Variants in DLGAP2 observed in about 807,000 individuals in gnomAD.
The protein encoded by DLGAP2 is DLG associated protein 2, also known as disks large-associated protein 2.
In DLGAP2, 26 loss-of-function variants were observed where a neutral mutation model predicts 100.3. That is an observed-to-expected ratio of 0.26 (90% CI 0.19 to 0.36). DLGAP2 has a LOEUF of 0.36. DLGAP2 is among the 10% of genes least tolerant of loss of function. The pLI is 1.00. For synonymous variants in DLGAP2, 886 were observed against 630.1 expected, an observed-to-expected ratio of 1.41 and a Z score of -6.08; for missense variants, 1,858 against 1,453.2, an observed-to-expected ratio of 1.28 and a Z score of -4.53.
chr8:859,094 A>G (rs116037075), intron 1 of DLGAP2, among the ~76,000 whole-genome samples: 6,449 of 149,138 alleles, frequency 0.043, 203 homozygotes, highest in African/African-American at 0.084. Flanking sequence ...TGAGACATAG[A>G]CCAGCCCCAC....
Position 1,691,436 on chromosome 8 carries a change from C to G in DLGAP2, c.2705-99C>G. On this transcript the variant is annotated intron_variant, in intron 12 of 14. Transcript: ENST00000637795. Reference sequence around the variant, plus strand: ...ACGATGAAGTCGTCAGTTTTCATCTCCAGTGGGACTCGCTCCCTTGGTGTG... The same window carrying G: ...ACGATGAAGTCGTCAGTTTTCATCTGCAGTGGGACTCGCTCCCTTGGTGTG... The G allele has an allele frequency of 4.0e-6, 4 of 1,005,990 alleles. No homozygotes were observed. In the South Asian group the frequency reaches 6.0e-5, roughly 15 times the overall value. The allele number at this position is 1,005,990 out of a possible 1,614,324, so 62.3% of individuals were successfully genotyped here. A position where few individuals can be genotyped will look rare whatever the true frequency, so the allele number is the denominator to read the frequency against.
intron 1 of DLGAP2, among the ~76,000 whole-genome samples, chr8:802,238 T>TCCACACAC (rs1200001901): frequency 6.7e-6 from 1 of 149,564 alleles, no homozygotes; most frequent in African/African-American, 2.5e-5. Context: ...TGGGGAATGG[T>TCCACACAC]CTGCACTCCT....
chr8:1,171,444 C>G (rs549049719), intron 2 of DLGAP2, among the ~76,000 whole-genome samples: 284 of 152,058 alleles, frequency 1.9e-3, no homozygotes, highest in Middle Eastern at 6.8e-3. Context: ...TCCTTGTTGA[C>G]TTTCTGTCTC....
chr8:1,279,744 A>G (rs1234992389), intron 3 of DLGAP2, among the ~76,000 whole-genome samples: 2 of 152,166 alleles, frequency 1.3e-5, no homozygotes, highest in Admixed American at 6.5e-5. Flanking sequence ...TGTAGGATTC[A>G]TGGCAGCTGC....
At chr8:1,465,798 T>A (rs1285102797) in intron 3 of DLGAP2, among the ~76,000 whole-genome samples, 1 of 152,196 alleles carries the variant, frequency 6.6e-6, no homozygotes, top group Non-Finnish European at 1.5e-5. Flanking sequence ...TCCCGGCCCC[T>A]CTGTGCCGCG....
intron 3 of DLGAP2, among the ~76,000 whole-genome samples, chr8:1,484,934 CT>C (rs1022514127): frequency 2.6e-5 from 4 of 152,284 alleles, no homozygotes; most frequent in African/African-American, 9.6e-5. Flanking sequence ...TGTCTGCCCC[CT>C]AGGACCTTCA....
intron 2 of DLGAP2, among the ~76,000 whole-genome samples, chr8:1,033,416 C>T (rs1802029386): frequency 1.3e-5 from 2 of 152,132 alleles, no homozygotes; most frequent in African/African-American, 2.4e-5. Context: ...CCTGTAATCC[C>T]AGCACTTTGA....
intron 13 of DLGAP2, 60 bp from the exon 14 acceptor site, chr8:1,697,087 C>T: frequency 1.4e-6 from 2 of 1,454,186 alleles, no homozygotes; most frequent in Non-Finnish European, 1.8e-6. Context: ...GGAGTGGCCT[C>T]CCCAGCCCTG....
chr8:1,206,477 G>A (rs796098984), intron 2 of DLGAP2, among the ~76,000 whole-genome samples: 17 of 147,556 alleles, frequency 1.2e-4, no homozygotes, highest in South Asian at 4.4e-4. Flanking sequence ...TTAATCTCCA[G>A]CCATCCGTGG....
intron 2 of DLGAP2, among the ~76,000 whole-genome samples, chr8:1,229,136 A>C (rs77718272): frequency 0.014 from 2,169 of 152,310 alleles, 31 homozygotes; most frequent in South Asian, 0.069. Context: ...GCCAATGTAC[A>C]ATACAAAAAT....
chr8:1,312,716 G>A (rs1800641234), intron 3 of DLGAP2, among the ~76,000 whole-genome samples: 1 of 152,192 alleles, frequency 6.6e-6, no homozygotes, highest in South Asian at 2.1e-4. Context: ...AAAATTAAAT[G>A]CACATACCTT....
chr8:1,000,971 G>A, intron 2 of DLGAP2, among the ~76,000 whole-genome samples: 1 of 152,168 alleles, frequency 6.6e-6, no homozygotes, highest in South Asian at 2.1e-4. Flanking sequence ...CTCAGTGTAG[G>A]CAGGAGTGCC....
intron 2 of DLGAP2, among the ~76,000 whole-genome samples, chr8:1,100,468 G>A (rs1804541316): frequency 6.6e-6 from 1 of 152,102 alleles, no homozygotes; most frequent in African/African-American, 2.4e-5. Context: ...TGTCCACAGT[G>A]TACAATGTGT....
chr8:800,860 G>A (rs977140638), intron 1 of DLGAP2, among the ~76,000 whole-genome samples: 8 of 152,122 alleles, frequency 5.3e-5, no homozygotes. Context: ...CGTCTCCAAG[G>A]CCGGGTCTGT....
chr8:1,149,952 C>T (rs1796669700), intron 2 of DLGAP2, among the ~76,000 whole-genome samples: 1 of 152,188 alleles, frequency 6.6e-6, no homozygotes, highest in Non-Finnish European at 1.5e-5. Flanking sequence ...TCTTCCTGCT[C>T]TGTGTTTAGC....
chr8:1,024,676 C>T (rs1214192277), intron 2 of DLGAP2, among the ~76,000 whole-genome samples: 3 of 152,140 alleles, frequency 2.0e-5, no homozygotes, highest in Admixed American at 1.3e-4. Context: ...AGGAGGAGTG[C>T]GGTGGGTTTG....
intron 1 of DLGAP2, among the ~76,000 whole-genome samples, chr8:792,855 A>G (rs887560301): frequency 3.3e-5 from 5 of 152,218 alleles, no homozygotes; most frequent in East Asian, 1.9e-4. Context: ...ACTTGCTTCT[A>G]TTTATTGAAA....
At chr8:1,331,772 C>G (rs1036443455) in intron 3 of DLGAP2, among the ~76,000 whole-genome samples, 1 of 152,198 alleles carries the variant, frequency 6.6e-6, no homozygotes, top group Non-Finnish European at 1.5e-5. Flanking sequence ...CACCTTCTCT[C>G]ATATCTCTGA....
rs140040650 is a variant in DLGAP2, at chr8:1,008,097, C to G, written c.73+100131C>G. ...GTTTTAAAGTATTTTCTTTTTCATC[C>G]AAATTGATTAGTGAAGAAAGATCCT... On this transcript the variant is annotated intron_variant, in intron 2 of 14. Coordinates refer to ENST00000637795, the MANE Select transcript of DLGAP2 (RefSeq NM_001346810.2). Among the ~76,000 whole-genome samples, 23 of 152,250 alleles carry G rather than the reference C, an allele frequency of 1.5e-4. No homozygotes were observed. The East Asian group carries it at 3.9e-3, about 26-fold the overall frequency.
Sources: allele counts gnomAD v4.1 joint callset (sites outside exome capture counted in the v4.1 genomes callset), GRCh38; gene constraint gnomAD v4.1.1; transcripts MANE v1.5; gene names NCBI Gene and HGNC (gene_info 2026-07-23, HGNC 2026-07-21).